PRR12: variants seen among roughly 807,000 people sequenced by gnomAD.
PRR12 encodes proline rich 12, also known as proline-rich protein 12.
Under a neutral mutation model 138.0 loss-of-function variants are expected in PRR12, and 12 were observed. The ratio of observed to expected loss-of-function variants is 0.09; its 90% confidence interval spans 0.06 to 0.14. The LOEUF (loss-of-function observed/expected upper bound fraction) is 0.14. Ranked by LOEUF, PRR12 falls within the 10% of genes least tolerant of loss-of-function variation. The pLI is 1.00. For synonymous variants in PRR12, 1,567 were observed against 1,291.7 expected, an observed-to-expected ratio of 1.21 and a Z score of -4.57; for missense variants, 2,692 against 2,861.3, an observed-to-expected ratio of 0.94 and a Z score of 1.35.
rs1281416852 is a variant in PRR12, at chr19:49,626,226, TG to T, written c.*621del. On this transcript the variant is annotated 3_prime_UTR_variant, in exon 14 of 14. Coordinates refer to ENST00000418929, the MANE Select transcript of PRR12 (RefSeq NM_020719.3). ...TTTTCTACGGCGATTTGTCTGTGTC[TG>T]GCCCCCACCCACTGCCCATCCCCCA... 2 of 152,162 alleles carry T rather than the reference TG, an allele frequency of 1.3e-5. No homozygotes were observed. The highest frequency in any genetic ancestry group is 2.9e-5 in the Non-Finnish European group (2 of 68,050). 9.4% of individuals were successfully genotyped at this position (152,162 alleles called of 1,614,324 possible).
Position 49,597,081 on chromosome 19 carries a change from C to G in PRR12, c.2746C>G (p.Pro916Ala), listed in dbSNP as rs375835590. The G allele has an allele frequency of 1.9e-6, 3 of 1,552,300 alleles. No homozygotes were observed. Among genetic ancestry groups the G allele is most frequent in the Non-Finnish European group, 2.6e-6 (3 of 1,148,296 alleles). The change falls in exon 4 of 14, where the codon CCC becomes GCC. Residue 916 changes from proline to alanine, a missense_variant. This residue lies in a region of PRR12 where 840 missense variants were observed against 689.8 expected (regional missense o/e 1.22). Transcript: ENST00000418929. The surrounding 1 kb of genome is among the most constrained non-coding windows in gnomAD (Gnocchi z 6.3). ...GKDPAGAYRS[P>A]SPQGTKAPRF... ...GGATCCCGCAGGCGCCTACCGCAGC[C>G]CCAGCCCGCAAGGCACCAAGGCGCC...
In PRR12 at chr19:49,597,339, G is replaced by A. The variant is rs1186749715; in HGVS notation, c.3004G>A (p.Gly1002Arg). ...CTGTCCTGGCCGGGCGTCGGGAGCC[G>A]GGCCCGAGACACCGGGCCTGGGCCT... ...PYCPGRASGA[G>R]PETPGLGLDP... The change falls in exon 4 of 14, where the codon GGG (glycine) becomes AGG (arginine). Residue 1002 changes from glycine (G) to arginine (R), a missense_variant. Around this residue, in one of 11 missense-constraint regions of PRR12, gnomAD observed 840 missense variants for 689.8 expected, o/e 1.22. Transcript: ENST00000418929. The surrounding 1 kb of genome is among the most constrained non-coding windows in gnomAD (Gnocchi z 6.3). 3 of 1,541,958 alleles carry A rather than the reference G, an allele frequency of 1.9e-6. No individual in the cohort carries two copies. The highest frequency in any genetic ancestry group is 2.6e-6 in the Non-Finnish European group (3 of 1,147,928).
At chr19:49,608,256 G>T (rs1053442946) in intron 6 of PRR12, among the ~76,000 whole-genome samples, 1 of 152,002 alleles carries the variant, frequency 6.6e-6, no homozygotes, top group African/African-American at 2.4e-5. Flanking sequence ...TCGGGAGGCT[G>T]AGGCCGGCAG....
In PRR12 at chr19:49,625,914, A is replaced by C; in HGVS notation, c.*307A>C. The C allele has an allele frequency of 5.2e-6, 1 of 192,338 alleles. No individual in the cohort carries two copies. The highest frequency in any genetic ancestry group is 1.0e-5 in the Non-Finnish European group (1 of 96,018). 11.9% of individuals were successfully genotyped at this position (192,338 alleles called of 1,614,324 possible). A position where few individuals can be genotyped will look rare whatever the true frequency, so the allele number is the denominator to read the frequency against. On this transcript the variant is annotated 3_prime_UTR_variant, in exon 14 of 14. Transcript: ENST00000418929. The surrounding 1 kb of genome is among the most constrained non-coding windows in gnomAD (Gnocchi z 5.5). ...GCCCCGACCCCCCCTCCACAGCCAC[A>C]GCCCCCGCCCCCTCCACCTTGTACA...
rs777043764 is a variant in PRR12, at chr19:49,593,351, C to T, written c.111C>T (p.Thr37=). Residue 37 remains threonine (T), a synonymous_variant, in exon 2 of 14, where the codon ACC becomes ACT. Coordinates refer to ENST00000418929, the MANE Select transcript of PRR12 (RefSeq NM_020719.3). ...GCTTGGTTTATGGCAGCTCCAGGAC[C>T]TCGCACCCCGAGACGGACATCTTAC... ...KASLVYGSSR[T]SHPETDILHR... The T allele has an allele frequency of 1.2e-6, 2 of 1,611,400 alleles. No homozygotes were observed. Among genetic ancestry groups the T allele is most frequent in the Non-Finnish European group, 1.7e-6 (2 of 1,178,820 alleles).
rs947534159 is a variant in PRR12 at position 49,625,358 on chromosome 19, C to T, written c.5965-103C>T. 2 of 1,446,724 alleles carry T rather than the reference C, an allele frequency of 1.4e-6. No individual in the cohort carries two copies. Among genetic ancestry groups the T allele is most frequent in the East Asian group, 2.5e-5 (1 of 40,572 alleles). 89.6% of individuals were successfully genotyped at this position (1,446,724 alleles called of 1,614,324 possible). On this transcript the variant is annotated intron_variant, in intron 13 of 13. Transcript: ENST00000418929. The surrounding 1 kb of genome is among the most constrained non-coding windows in gnomAD (Gnocchi z 5.5). Reference sequence around the variant, plus strand: ...GAATGCAGCCCCCAGCCCTGGTCTCCCTGGGACACTGACATCTGACACCCC... The same window carrying T: ...GAATGCAGCCCCCAGCCCTGGTCTCTCTGGGACACTGACATCTGACACCCC...
In PRR12 at chr19:49,601,717, T is replaced by G; in HGVS notation, c.4572T>G (p.Ala1524=). Reference sequence around the variant, plus strand: ...CCCCACCAGCCGCTGCCCCACTGGCTGCTCCTCCTGAGGAGCCCGCCGCCC... The same window carrying G: ...CCCCACCAGCCGCTGCCCCACTGGCGGCTCCTCCTGAGGAGCCCGCCGCCC... ...PPPPPAAAPL[A]APPEEPAAPS... Residue 1524 remains alanine (A), a synonymous_variant, in exon 6 of 14, where the codon GCT becomes GCG. Transcript: ENST00000418929. 1 of 1,543,506 alleles carries G rather than the reference T, an allele frequency of 6.5e-7. No homozygotes were observed. Among genetic ancestry groups the G allele is most frequent in the Non-Finnish European group, 8.7e-7 (1 of 1,147,010 alleles).
Position 49,625,468 on chromosome 19 carries a change from C to T in PRR12, c.5972C>T (p.Ala1991Val), listed in dbSNP as rs764892136. The T allele has an allele frequency of 5.0e-6, 8 of 1,606,242 alleles. No individual in the cohort carries two copies. The highest frequency in any genetic ancestry group is 2.5e-6 in the Non-Finnish European group (3 of 1,176,550). Residue 1991 changes from alanine to valine, a missense_variant, in exon 14 of 14, where the codon GCC (alanine) becomes GTC (valine). Transcript: ENST00000418929. The surrounding 1 kb of genome is among the most constrained non-coding windows in gnomAD (Gnocchi z 5.5). ...CATGTTTGACCCCTGCAGACCCTGG[C>T]CATCGAGGGCGGCGCCGAGGACCTG... ...TFLRCRDQTLAIEGGAEDLGQ... is the reference protein window; with the variant it reads ...TFLRCRDQTLVIEGGAEDLGQ...
intron 1 of PRR12, among the ~76,000 whole-genome samples, chr19:49,592,291 G>T (rs1048167289): frequency 1.3e-5 from 2 of 152,168 alleles, no homozygotes; most frequent in Admixed American, 6.5e-5. Flanking sequence ...TAAGGGAGGG[G>T]GTCAGGCGTC....
rs1300218822 is a variant in PRR12 at position 49,597,075 on chromosome 19, C to T, written c.2740C>T (p.Arg914Cys). 24 of 1,552,684 alleles carry T rather than the reference C, an allele frequency of 1.5e-5. No homozygotes were observed. The highest frequency in any genetic ancestry group is 2.0e-5 in the Admixed American group (1 of 51,164). The change falls in exon 4 of 14, where the codon CGC (arginine) becomes TGC (cysteine). Residue 914 changes from arginine to cysteine, a missense_variant. By Grantham distance (180) the Arg-to-Cys change is radical. This residue lies in a region of PRR12 where 840 missense variants were observed against 689.8 expected (regional missense o/e 1.22). Coordinates refer to ENST00000418929, the MANE Select transcript of PRR12 (RefSeq NM_020719.3). This position sits in a 1 kb window ranked among gnomAD's most constrained non-coding sequence, Gnocchi z 6.3. ...GGGCAAGGATCCCGCAGGCGCCTACCGCAGCCCCAGCCCGCAAGGCACCAA... is the reference window on the plus strand; with the variant it reads ...GGGCAAGGATCCCGCAGGCGCCTACTGCAGCCCCAGCCCGCAAGGCACCAA... ...SEGKDPAGAY[R>C]SPSPQGTKAP... is the part of the protein sequence containing the mutation.
Position 49,599,124 on chromosome 19 carries a change from C to T in PRR12, c.3679-148C>T, listed in dbSNP as rs961780065. On this transcript the variant is annotated intron_variant, in intron 4 of 13. Coordinates refer to ENST00000418929, the MANE Select transcript of PRR12 (RefSeq NM_020719.3). The surrounding 1 kb of genome is among the most constrained non-coding windows in gnomAD (Gnocchi z 5.0). ...AGGGAGGAACTCCAGTCTTGTCCTC[C>T]TAGAATCTAAGACAAGGGGTCTGCA... 5.2e-6 allele frequency: 4 copies of T among 773,312 alleles called. No individual in the cohort carries two copies. Among genetic ancestry groups the T allele is most frequent in the Admixed American group, 3.2e-5 (1 of 31,522 alleles). The allele number at this position is 773,312 out of a possible 1,614,324, so 47.9% of individuals were successfully genotyped here.
In PRR12 at chr19:49,625,795, A is replaced by G. The variant is rs1209967003; in HGVS notation, c.*188A>G. The G allele has an allele frequency of 9.4e-6, 5 of 530,552 alleles. No homozygotes were observed. The highest frequency in any genetic ancestry group is 1.5e-5 in the Non-Finnish European group (5 of 331,434). The allele number at this position is 530,552 out of a possible 1,614,324, so 32.9% of individuals were successfully genotyped here. On this transcript the variant is annotated 3_prime_UTR_variant, in exon 14 of 14. Transcript: ENST00000418929. This position sits in a 1 kb window ranked among gnomAD's most constrained non-coding sequence, Gnocchi z 5.5. The stretch of plus-strand genomic sequence containing the variant: ...TCCCCCCCTCTCCCAAGCCCCCTCC[A>G]CTCCCTCCCCATTCCTCCCACTGTT...
intron 6 of PRR12, among the ~76,000 whole-genome samples, chr19:49,608,399 A>G (rs2080849042): frequency 6.6e-6 from 1 of 151,916 alleles, no homozygotes; most frequent in African/African-American, 2.4e-5. Context: ...CTGGAGTGCA[A>G]TGACGCGATC....
rs763274795 is a variant in PRR12 at position 49,599,889 on chromosome 19, G to A, written c.4296G>A (p.Gly1432=). The change falls in exon 5 of 14, where the codon GGG becomes GGA. Residue 1432 remains glycine (G), a synonymous_variant. Transcript: ENST00000418929. The surrounding 1 kb of genome is among the most constrained non-coding windows in gnomAD (Gnocchi z 5.0). ...TGGCCCCCGCGGCTGCAGTTCCAGG[G>A]CCACCCCCTCTTCCGGGGCTCCCCA... ...PPLAPAAAVP[G]PPPLPGLPSA... is the part of the protein sequence containing the mutation. The A allele has an allele frequency of 1.2e-6, 2 of 1,611,528 alleles. No homozygotes were observed. The highest frequency in any genetic ancestry group is 1.7e-6 in the Non-Finnish European group (2 of 1,178,876).
At chr19:49,598,224 C>T (rs2122305270) in intron 4 of PRR12, among the ~76,000 whole-genome samples, 1 of 152,098 alleles carries the variant, frequency 6.6e-6, no homozygotes, top group East Asian at 1.9e-4. Context: ...CAGTTGCCCG[C>T]CACCACGCCC....
chr19:49,593,789 C>A (rs183437825), intron 2 of PRR12, among the ~76,000 whole-genome samples: 5 of 152,212 alleles, frequency 3.3e-5, no homozygotes, highest in Admixed American at 3.3e-4. Flanking sequence ...ACTCTGAATT[C>A]TTTCTTCCTG....
At chr19:49,620,577 CG>C in intron 10 of PRR12, 100 bp downstream of exon 10, 1 of 1,483,936 alleles carries the variant, frequency 6.7e-7, no homozygotes, top group South Asian at 1.2e-5. Flanking sequence ...GGTTTGGGGT[CG>C]GGACTCCTGA....
Position 49,625,914 on chromosome 19 carries a change from A to G in PRR12, c.*307A>G, listed in dbSNP as rs2080953022. On this transcript the variant is annotated 3_prime_UTR_variant, in exon 14 of 14. Transcript: ENST00000418929. This position sits in a 1 kb window ranked among gnomAD's most constrained non-coding sequence, Gnocchi z 5.5. ...GCCCCGACCCCCCCTCCACAGCCAC[A>G]GCCCCCGCCCCCTCCACCTTGTACA... 5.2e-6 allele frequency: 1 copy of G among 192,338 alleles called. No homozygotes were observed. 11.9% of individuals were successfully genotyped at this position (192,338 alleles called of 1,614,324 possible).
In PRR12 at chr19:49,620,459, G is replaced by A. The variant is rs1380465519; in HGVS notation, c.5605G>A (p.Ala1869Thr). Reference protein sequence around the residue: ...STALDPDMIQALEDTHDELYL... With the variant: ...STALDPDMIQTLEDTHDELYL... The stretch of plus-strand genomic sequence containing the variant: ...AGCACTTGACCCAGACATGATCCAG[G>A]CCCTGGAGGACACGCATGGTGAGCT... Residue 1869 changes from alanine to threonine, a missense_variant, in exon 10 of 14, where the codon GCC (alanine) becomes ACC (threonine). Transcript: ENST00000418929. 1.9e-6 allele frequency: 3 copies of A among 1,569,156 alleles called. No homozygotes were observed. Among genetic ancestry groups the A allele is most frequent in the Non-Finnish European group, 2.6e-6 (3 of 1,157,092 alleles).
Sources: gnomAD v4.1 joint callset for allele counts (sites outside exome capture counted in the v4.1 genomes callset) on GRCh38, gnomAD v4.1.1 for gene constraint, gnomAD v4.1.1 regional missense constraint, Gnocchi (gnomAD v3.1) non-coding constraint, MANE v1.5 for transcripts, NCBI Gene and HGNC (gene_info 2026-07-23, HGNC 2026-07-21) for gene names.